DCC: variants seen among roughly 807,000 people sequenced by gnomAD.
DCC encodes netrin receptor DCC.
Under a neutral mutation model 172.5 loss-of-function variants are expected in DCC, and 58 were observed. The ratio of observed to expected loss-of-function variants is 0.34; its 90% CI spans 0.27 to 0.42. The LOEUF is 0.42. DCC is among the 10% of genes least tolerant of loss of function. The probability of loss-of-function intolerance (pLI) is 1.00; values close to 1 mark genes in which losing one functional copy is unlikely to be tolerated. For synonymous variants in DCC, 709 were observed against 644.5 expected, an observed-to-expected ratio of 1.10 and a Z score of -1.52; for missense variants, 1,740 against 1,791.0, an observed-to-expected ratio of 0.97 and a Z score of 0.51.
rs368167200 is a variant in DCC, at chr18:52,840,213, G to T, written c.413-65831G>T. ...CTGTTCAATTCCTTGATGTTCCCCA[G>T]AAGCTTTCTTGCATTCCAATCCTAT... is the stretch of plus-strand genomic sequence containing the variant. On this transcript the variant is annotated intron_variant, in intron 2 of 28. Transcript: ENST00000442544. 5.3e-5 allele frequency among the ~76,000 whole-genome samples: 8 copies of T among 152,164 alleles called. No homozygotes were observed. In the East Asian group the frequency reaches 9.6e-4, roughly 18 times the overall value.
intron 2 of DCC, among the ~76,000 whole-genome samples, chr18:52,865,284 G>C (rs1015395135): frequency 2.6e-5 from 4 of 152,114 alleles, no homozygotes; most frequent in African/African-American, 4.8e-5. Context: ...ATTGTGAATA[G>C]TGCCACAATA....
At chr18:52,607,883 A>G (rs890637124) in intron 1 of DCC, among the ~76,000 whole-genome samples, 7 of 152,144 alleles carry the variant, frequency 4.6e-5, no homozygotes, top group African/African-American at 1.2e-4. Context: ...GAGAGATAAC[A>G]CTTGAGTAGG....
chr18:52,488,190 C>A (rs943010990), intron 1 of DCC, among the ~76,000 whole-genome samples: 1 of 152,116 alleles, frequency 6.6e-6, no homozygotes, highest in African/African-American at 2.4e-5. Context: ...CAGAATTATT[C>A]CTCATTTTTT....
intron 15 of DCC, among the ~76,000 whole-genome samples, chr18:53,369,803 TC>T (rs1464243281): frequency 3.3e-5 from 5 of 151,816 alleles, no homozygotes; most frequent in Non-Finnish European, 7.4e-5. Context: ...ATTTTTACCT[TC>T]CAGGAATAAA....
chr18:52,445,996 A>G (rs958916041), intron 1 of DCC, among the ~76,000 whole-genome samples: 5 of 152,060 alleles, frequency 3.3e-5, no homozygotes, highest in African/African-American at 1.2e-4. Flanking sequence ...CAGTGGCGGG[A>G]TCTCGGCTCA....
At chr18:52,376,452 T>C (rs1598873843) in intron 1 of DCC, among the ~76,000 whole-genome samples, 1 of 152,110 alleles carries the variant, frequency 6.6e-6, no homozygotes, top group East Asian at 1.9e-4. Flanking sequence ...AAGAATAGAC[T>C]TGAATTTCTC....
rs567233956 is a variant in DCC at position 52,746,336 on chromosome 18, T to C, written c.92-5718T>C. Among the ~76,000 whole-genome samples, 12 of 152,324 alleles carry C rather than the reference T, an allele frequency of 7.9e-5. No individual in the cohort carries two copies. The South Asian group carries it at 1.7e-3, about 21-fold the overall frequency. On this transcript the variant is annotated intron_variant, in intron 1 of 28. Coordinates refer to ENST00000442544, the MANE Select transcript of DCC (RefSeq NM_005215.4). Reference sequence around the variant, plus strand: ...TGATACAATTATGCATAGCAAGTTCTATGGGGATTTGTATGACATTTTCTA... The same window carrying C: ...TGATACAATTATGCATAGCAAGTTCCATGGGGATTTGTATGACATTTTCTA...
At chr18:53,225,451 G>A (rs1378790131) in intron 12 of DCC, among the ~76,000 whole-genome samples, 1 of 152,180 alleles carries the variant, frequency 6.6e-6, no homozygotes, top group Non-Finnish European at 1.5e-5. Context: ...AATCCTTTGA[G>A]GAGGCAAGAA....
At chr18:52,351,312 T>C (rs1984111880) in intron 1 of DCC, among the ~76,000 whole-genome samples, 1 of 152,228 alleles carries the variant, frequency 6.6e-6, no homozygotes, top group Non-Finnish European at 1.5e-5. Flanking sequence ...CAGTAGTAGC[T>C]ACTTGTACTT....
intron 1 of DCC, among the ~76,000 whole-genome samples, chr18:52,513,502 T>C (rs1281031035): frequency 6.6e-6 from 1 of 152,206 alleles, no homozygotes; most frequent in Admixed American, 6.5e-5. Flanking sequence ...AAATTATTAT[T>C]ATTTGTTCTT....
chr18:52,901,318 A>C (rs1348191918), intron 2 of DCC, among the ~76,000 whole-genome samples: 4 of 152,092 alleles, frequency 2.6e-5, no homozygotes, highest in Non-Finnish European at 5.9e-5. Context: ...CTGTGATCCT[A>C]GCTACATGGG....
intron 22 of DCC, among the ~76,000 whole-genome samples, chr18:53,442,225 AT>A (rs1480294722): frequency 6.6e-6 from 1 of 152,198 alleles, no homozygotes; most frequent in Non-Finnish European, 1.5e-5. Flanking sequence ...GTTTTTCCAA[AT>A]TGAAAGCTTG....
Position 53,391,712 on chromosome 18 carries a change from C to T in DCC, c.2513C>T (p.Pro838Leu), listed in dbSNP as rs1472688182. 6.2e-7 allele frequency: 1 copy of T among 1,614,112 alleles called. No individual in the cohort carries two copies. The highest frequency in any genetic ancestry group is 8.5e-7 in the Non-Finnish European group (1 of 1,180,014). The stretch of plus-strand genomic sequence containing the variant: ...CTTGATGATTTCCCCACCTCGGTCC[C>T]AGATCTCTCCACCCCCATGCTCCCA... Reference protein sequence around the residue: ...PLLDDFPTSVPDLSTPMLPPV... With the variant: ...PLLDDFPTSVLDLSTPMLPPV... The change falls in exon 17 of 29, where the codon CCA becomes CTA. Residue 838 changes from proline to leucine, a missense_variant. This residue lies in a region of DCC where 1,732 missense variants were observed against 1,767.4 expected (regional missense o/e 0.98). Transcript: ENST00000442544.
chr18:53,088,023 T>A (rs1205071692), intron 7 of DCC, among the ~76,000 whole-genome samples: 9 of 152,100 alleles, frequency 5.9e-5, no homozygotes, highest in South Asian at 4.1e-4. Flanking sequence ...GTATAGTTTG[T>A]AGTCAGGTAG....
At chr18:52,574,092 T>C (rs776381038) in intron 1 of DCC, among the ~76,000 whole-genome samples, 2 of 152,200 alleles carry the variant, frequency 1.3e-5, no homozygotes, top group Non-Finnish European at 2.9e-5. Flanking sequence ...CATTCATCCA[T>C]TTGTTCATTC....
intron 1 of DCC, among the ~76,000 whole-genome samples, chr18:52,507,139 G>A (rs1288875357): frequency 2.0e-5 from 3 of 152,158 alleles, no homozygotes; most frequent in South Asian, 4.1e-4. Context: ...AGCCTAATAG[G>A]AATCTCATAT....
chr18:52,355,565 C>G (rs1984325434), intron 1 of DCC, among the ~76,000 whole-genome samples: 1 of 152,132 alleles, frequency 6.6e-6, no homozygotes, highest in Non-Finnish European at 1.5e-5. Flanking sequence ...GAGCACTAAA[C>G]TGTTTCTATT....
intron 1 of DCC, among the ~76,000 whole-genome samples, chr18:52,528,538 A>T (rs992196716): frequency 2.0e-5 from 3 of 152,162 alleles, no homozygotes; most frequent in African/African-American, 7.2e-5. Flanking sequence ...TGGAGCCTGG[A>T]TTAAAAGCTG....
At chr18:52,512,354 C>T (rs1024433582) in intron 1 of DCC, among the ~76,000 whole-genome samples, 1 of 152,148 alleles carries the variant, frequency 6.6e-6, no homozygotes, top group Admixed American at 6.5e-5. Flanking sequence ...TACTTTATGG[C>T]TTCCTCCTCC....
Sources: allele counts gnomAD v4.1 joint callset (sites outside exome capture counted in the v4.1 genomes callset), GRCh38; gene constraint gnomAD v4.1.1; regional missense constraint gnomAD v4.1.1; transcripts MANE v1.5; gene names NCBI Gene and HGNC (gene_info 2026-07-23, HGNC 2026-07-21).